PSMA2: variants seen among roughly 807,000 people sequenced by gnomAD.
The protein encoded by PSMA2 is proteasome 20S subunit alpha 2, also known as proteasome subunit alpha type-2.
A neutral mutation model predicts 35.9 loss-of-function variants in PSMA2; 2 were observed. That is an observed-to-expected ratio of 0.06 (90% CI 0.02 to 0.18). The LOEUF is 0.18. Among genes scored for constraint, PSMA2 ranks in the 10% least tolerant of loss-of-function variants. The pLI is 1.00. For missense variants in PSMA2, 126 were observed against 278.8 expected, an observed-to-expected ratio of 0.45 and a Z score of 3.90; for synonymous variants, 97 against 98.2, an observed-to-expected ratio of 0.99 and a Z score of 0.07.
At position 42,932,131 on chromosome 7, in the gene PSMA2, G is replaced by A. The variant is rs1786324724; in HGVS notation, c.28C>T (p.Leu10=). The A allele has an allele frequency of 6.2e-7, 1 of 1,614,164 alleles. No individual in the cohort carries two copies. Among genetic ancestry groups the A allele is most frequent in the Non-Finnish European group, 8.5e-7 (1 of 1,180,038 alleles). ...CCCCTTCCATACCTGAATGTAGTCA[G>A]CGAAAAGCTGTACCCGCGCTCCGCC... MAERGYSFS[L]TTFSPSGKLV... is the part of the protein sequence containing the mutation. The change falls in exon 1 of 8, where the codon CTG becomes TTG. Residue 10 remains leucine (L), a synonymous_variant. Transcript: ENST00000223321.
chr7:42,929,608 T>C (rs1379547718), intron 1 of PSMA2, among the ~76,000 whole-genome samples: 1 of 151,672 alleles, frequency 6.6e-6, no homozygotes, highest in African/African-American at 2.4e-5. Flanking sequence ...GCCTTCTAAC[T>C]GGTTTTCCTC....
In PSMA2 at chr7:42,927,591, T is replaced by C. The variant is rs929941143; in HGVS notation, c.42-132A>G. 4 of 817,362 alleles carry C rather than the reference T, an allele frequency of 4.9e-6. No homozygotes were observed. The African/African-American group carries it at 5.2e-5, about 11-fold the overall frequency. 50.6% of individuals were successfully genotyped at this position (817,362 alleles called of 1,614,324 possible). ...TCCAGGGAGTAACTGGCCTTTGACC[T>C]CTATCATGAAGTGGCACAGAAACCA... is the stretch of plus-strand genomic sequence containing the variant. On this transcript the variant is annotated intron_variant, in intron 1 of 7. Transcript: ENST00000223321.
intron 1 of PSMA2, among the ~76,000 whole-genome samples, 199 bp downstream of exon 1, chr7:42,931,919 C>A (rs1201231423): frequency 1.7e-4 from 26 of 152,192 alleles, no homozygotes; most frequent in Admixed American, 1.7e-3. Context: ...TCCCCCCGAC[C>A]CTCCAGCAGC....
chr7:42,927,560 T>G (rs559835683), intron 1 of PSMA2, 101 bp from the exon 2 acceptor site: 1 of 1,164,226 alleles, frequency 8.6e-7, no homozygotes, highest in African/African-American at 1.5e-5. Context: ...ATCCAATTTA[T>G]CCAACTCCAG....
rs1786217937 is a variant in PSMA2, at chr7:42,926,399, C to A, written c.251+137G>T. ...AAACTAAATTCAGCTCTCAACGAGG[C>A]TGCTATTGCTAAACAAAGCACACAA... On this transcript the variant is annotated intron_variant, in intron 3 of 7. Coordinates refer to ENST00000223321, the MANE Select transcript of PSMA2 (RefSeq NM_002787.5). The A allele has an allele frequency of 5.0e-6, 5 of 1,001,214 alleles. No homozygotes were observed. The South Asian group carries it at 8.1e-5, about 16-fold the overall frequency. The allele number at this position is 1,001,214 out of a possible 1,614,324, so 62.0% of individuals were successfully genotyped here.
intron 1 of PSMA2, 82 bp downstream of exon 1, chr7:42,932,036 C>T: frequency 1.3e-6 from 2 of 1,564,680 alleles, no homozygotes; most frequent in Admixed American, 1.7e-5. Flanking sequence ...GCACCAATGC[C>T]GACGTCAGGA....
At chr7:42,925,429 G>A (rs573866157) in intron 3 of PSMA2, among the ~76,000 whole-genome samples, 1 of 152,206 alleles carries the variant, frequency 6.6e-6, no homozygotes, top group Non-Finnish European at 1.5e-5. Flanking sequence ...ATGTGAAAGA[G>A]GAGGGAGATA....
intron 1 of PSMA2, among the ~76,000 whole-genome samples, chr7:42,929,692 A>C (rs569151656): frequency 1.3e-5 from 2 of 152,082 alleles, no homozygotes; most frequent in Admixed American, 6.6e-5. Context: ...TTTTGTAATA[A>C]CTTCTTTGTT....
At chr7:42,926,762 T>A in intron 2 of PSMA2, 94 bp from the exon 3 acceptor site, 2 of 1,301,590 alleles carry the variant, frequency 1.5e-6, no homozygotes, top group Non-Finnish European at 2.0e-6. Context: ...CAAACTCCTT[T>A]ATTTCCTTTA....
chr7:42,919,184 GA>G, intron 6 of PSMA2: 1 of 589,436 alleles, frequency 1.7e-6, no homozygotes, highest in Admixed American at 2.0e-5. Context: ...CTATGCCAGG[GA>G]GATACAGGAG....
At chr7:42,918,270 T>G (rs1398069479) in intron 6 of PSMA2, 2 of 152,914 alleles carry the variant, frequency 1.3e-5, no homozygotes, top group African/African-American at 4.8e-5. Flanking sequence ...CCTGACCTCG[T>G]GATCCGCCTG....
intron 1 of PSMA2, among the ~76,000 whole-genome samples, chr7:42,930,016 A>C (rs1786272310): frequency 6.6e-6 from 1 of 152,180 alleles, no homozygotes; most frequent in Non-Finnish European, 1.5e-5. Flanking sequence ...ATTCCTTAGT[A>C]AGAGAATGTA....
chr7:42,929,795 C>G (rs1786268461), intron 1 of PSMA2, among the ~76,000 whole-genome samples: 1 of 152,182 alleles, frequency 6.6e-6, no homozygotes, highest in Non-Finnish European at 1.5e-5. Context: ...GCACATTTGC[C>G]TCATTTTTAT....
intron 6 of PSMA2, chr7:42,920,814 A>C (rs565498238): frequency 1.3e-5 from 2 of 152,360 alleles, no homozygotes; most frequent in African/African-American, 4.8e-5. Context: ...TTTTATTATT[A>C]TTCAGCCATA....
intron 5 of PSMA2, 137 bp from the exon 6 acceptor site, chr7:42,922,068 C>T: frequency 1.5e-6 from 1 of 668,152 alleles, no homozygotes; most frequent in Non-Finnish European, 2.5e-6. Context: ...TGGAAAACGT[C>T]ACAGAATAGG....
At chr7:42,929,485 G>T (rs1461629872) in intron 1 of PSMA2, among the ~76,000 whole-genome samples, 1 of 152,046 alleles carries the variant, frequency 6.6e-6, no homozygotes, top group Non-Finnish European at 1.5e-5. Flanking sequence ...TGATTTCACT[G>T]CGTGAAAGCT....
intron 1 of PSMA2, among the ~76,000 whole-genome samples, chr7:42,930,358 A>C (rs1786282892): frequency 6.6e-6 from 1 of 152,056 alleles, no homozygotes; most frequent in Non-Finnish European, 1.5e-5. Context: ...TCTTGGGTTC[A>C]AGTGCTCCTC....
At chr7:42,929,615 CCT>C (rs373667582) in intron 1 of PSMA2, among the ~76,000 whole-genome samples, 180 of 151,688 alleles carry the variant, frequency 1.2e-3, no homozygotes, top group African/African-American at 4.2e-3. Flanking sequence ...AACTGGTTTT[CCT>C]CTTTCTCAAC....
At chr7:42,931,986 G>A in intron 1 of PSMA2, 132 bp downstream of exon 1, 1 of 1,222,778 alleles carries the variant, frequency 8.2e-7, no homozygotes, top group Non-Finnish European at 1.2e-6. Context: ...ACTTTGCAAA[G>A]CCGCATTTCC....
Sources: allele counts gnomAD v4.1 joint callset (sites outside exome capture counted in the v4.1 genomes callset), GRCh38; gene constraint gnomAD v4.1.1; transcripts MANE v1.5; gene names NCBI Gene and HGNC (gene_info 2026-07-23, HGNC 2026-07-21).